Variants in SH3RF3 observed in about 807,000 individuals in gnomAD.
SH3RF3 encodes the protein E3 ubiquitin-protein ligase SH3RF3.
A neutral mutation model predicts 66.3 loss-of-function variants in SH3RF3; 29 were observed. The ratio of observed to expected loss-of-function variants is 0.44; its 90% CI spans 0.33 to 0.60. SH3RF3 has a LOEUF of 0.60. Among genes scored for constraint, SH3RF3 ranks in the 20% least tolerant of loss-of-function variants. SH3RF3 has a pLI of 0.04. For synonymous variants in SH3RF3, 583 were observed against 532.0 expected, an observed-to-expected ratio of 1.10 and a Z score of -1.32; for missense variants, 1,194 against 1,190.9, an observed-to-expected ratio of 1.00 and a Z score of -0.04.
chr2:109,386,661 C>T (rs534176151), intron 3 of SH3RF3, among the ~76,000 whole-genome samples: 1 of 152,198 alleles, frequency 6.6e-6, no homozygotes, highest in Non-Finnish European at 1.5e-5. Context: ...ATCCTAGGGG[C>T]AGCCCCAGGA....
chr2:109,471,368 G>A (rs1040605849), intron 8 of SH3RF3, among the ~76,000 whole-genome samples: 4 of 152,156 alleles, frequency 2.6e-5, no homozygotes, highest in East Asian at 3.8e-4. Context: ...TCACAAGGCG[G>A]CAGGAGAGAG....
intron 8 of SH3RF3, among the ~76,000 whole-genome samples, chr2:109,483,038 A>G (rs2104768933): frequency 6.6e-6 from 1 of 152,298 alleles, no homozygotes; most frequent in African/African-American, 2.4e-5. Flanking sequence ...TATTCATTGT[A>G]GATCTTCTAT....
At chr2:109,362,564 A>T (rs1024443761) in intron 2 of SH3RF3, among the ~76,000 whole-genome samples, 2 of 152,106 alleles carry the variant, frequency 1.3e-5, no homozygotes, top group African/African-American at 4.8e-5. Context: ...TATTATGTGG[A>T]TGTCAGTTGT....
chr2:109,344,061 A>G (rs1314926249), intron 1 of SH3RF3, among the ~76,000 whole-genome samples: 1 of 152,090 alleles, frequency 6.6e-6, no homozygotes, highest in Non-Finnish European at 1.5e-5. Context: ...CTTCTTTTGT[A>G]ACTTTCCCCC....
At chr2:109,337,128 T>C (rs1402060075) in intron 1 of SH3RF3, among the ~76,000 whole-genome samples, 2 of 152,252 alleles carry the variant, frequency 1.3e-5, no homozygotes, top group Non-Finnish European at 2.9e-5. Flanking sequence ...GTGTTATGTA[T>C]CTTAAATGCC....
intron 1 of SH3RF3, among the ~76,000 whole-genome samples, chr2:109,314,110 G>A (rs1373185944): frequency 2.6e-5 from 4 of 152,050 alleles, no homozygotes; most frequent in African/African-American, 7.2e-5. Flanking sequence ...ACACAGTAGC[G>A]GAAAGCAGCA....
chr2:109,501,568 T>C lies in SH3RF3; in HGVS notation c.2546T>C (p.Ile849Thr), dbSNP rs1679387096. 1 of 779,618 alleles carries C rather than the reference T, an allele frequency of 1.3e-6. No homozygotes were observed. Among genetic ancestry groups the C allele is most frequent in the Non-Finnish European group, 2.4e-6 (1 of 417,630 alleles). The allele number at this position is 779,618 out of a possible 1,614,324, so 48.3% of individuals were successfully genotyped here. ...GAGATCGAGCTGAAGGAAGGCGACA[T>C]CGTCTTTGTGCACAAGAAGCGTGAG... ...EAEIELKEGDIVFVHKKREDG... is the reference protein window; with the variant it reads ...EAEIELKEGDTVFVHKKREDG... Residue 849 changes from isoleucine (I) to threonine (T), a missense_variant, in exon 10 of 10, where the codon ATC becomes ACC. Physicochemically the swap from Ile to Thr is moderately conservative, Grantham distance 89. Transcript: ENST00000309415.
intron 1 of SH3RF3, among the ~76,000 whole-genome samples, chr2:109,300,825 C>T (rs1329980061): frequency 6.6e-6 from 1 of 152,214 alleles, no homozygotes; most frequent in East Asian, 1.9e-4. Flanking sequence ...TTACCACAGT[C>T]TTTGCCTTCC....
intron 1 of SH3RF3, among the ~76,000 whole-genome samples, chr2:109,242,065 CG>C (rs1679797745): frequency 6.6e-6 from 1 of 151,484 alleles, no homozygotes; most frequent in Admixed American, 6.6e-5. Flanking sequence ...CTGGTGTAGA[CG>C]GGGGTGTCAT....
intron 1 of SH3RF3, among the ~76,000 whole-genome samples, chr2:109,162,278 A>C (rs1055119345): frequency 2.0e-5 from 3 of 152,220 alleles, no homozygotes; most frequent in African/African-American, 7.2e-5. Context: ...AGAGCTGTTA[A>C]AATTCCTAAA....
At chr2:109,251,417 A>G (rs1344389399) in intron 1 of SH3RF3, 2 of 703,790 alleles carry the variant, frequency 2.8e-6, no homozygotes, top group Admixed American at 3.5e-5. Context: ...CATGGAGTAG[A>G]CACCATGAGC....
At chr2:109,163,566 T>A (rs890805473) in intron 1 of SH3RF3, among the ~76,000 whole-genome samples, 2 of 150,964 alleles carry the variant, frequency 1.3e-5, no homozygotes, top group Non-Finnish European at 1.5e-5. Context: ...GCCCGGCTAA[T>A]TTTTTTGTAT....
chr2:109,182,213 G>A (rs1678089787), intron 1 of SH3RF3, among the ~76,000 whole-genome samples: 1 of 152,162 alleles, frequency 6.6e-6, no homozygotes, highest in Admixed American at 6.5e-5. Flanking sequence ...TGAAGGCTGG[G>A]AAGTCCAAGA....
intron 8 of SH3RF3, among the ~76,000 whole-genome samples, chr2:109,463,476 T>G (rs1678260435): frequency 6.6e-6 from 1 of 152,184 alleles, no homozygotes; most frequent in Admixed American, 6.5e-5. Flanking sequence ...TCCAGAGCTT[T>G]TCAAGGGTGC....
intron 1 of SH3RF3, among the ~76,000 whole-genome samples, chr2:109,133,249 C>T (rs188548198): frequency 2.6e-5 from 4 of 152,280 alleles, no homozygotes; most frequent in East Asian, 1.9e-4. Flanking sequence ...ATATAAAAGT[C>T]GGCATTACAG....
At chr2:109,380,824 A>G (rs7560312) in intron 3 of SH3RF3, among the ~76,000 whole-genome samples, 30,209 of 152,132 alleles carry the variant, frequency 0.2, 3,346 homozygotes, top group African/African-American at 0.29. Flanking sequence ...AACTTTTTAG[A>G]TTCCTCCCAA....
chr2:109,486,824 T>A (rs1168505533), intron 8 of SH3RF3, among the ~76,000 whole-genome samples: 1 of 152,174 alleles, frequency 6.6e-6, no homozygotes, highest in South Asian at 2.1e-4. Context: ...AGCCCATCAC[T>A]TCCATGGAGG....
chr2:109,405,701 C>G (rs1676435836), intron 4 of SH3RF3, among the ~76,000 whole-genome samples: 1 of 152,198 alleles, frequency 6.6e-6, no homozygotes, highest in South Asian at 2.1e-4. Context: ...TTCTATGGCC[C>G]CATGTCACCT....
chr2:109,325,750 A>G (rs891415), intron 1 of SH3RF3, among the ~76,000 whole-genome samples: 129,470 of 152,168 alleles, frequency 0.85, 55,617 homozygotes, highest in African/African-American at 0.95. Context: ...TGCAGACTCT[A>G]CCAGCCTGGA....
Sources: allele counts gnomAD v4.1 joint callset (sites outside exome capture counted in the v4.1 genomes callset), GRCh38; gene constraint gnomAD v4.1.1; transcripts MANE v1.5; gene names NCBI Gene and HGNC (gene_info 2026-07-23, HGNC 2026-07-21).